The following CACNA2D4 variants were observed in gnomAD, a reference collection of about 807,000 sequenced individuals.
The protein encoded by CACNA2D4 is calcium voltage-gated channel auxiliary subunit alpha2delta 4.
In CACNA2D4, 157 loss-of-function variants were observed where a neutral mutation model predicts 163.8. The ratio of observed to expected loss-of-function variants is 0.96; its 90% CI spans 0.84 to 1.09. The LOEUF is 1.09. CACNA2D4 is among the 50% of genes least tolerant of loss of function. CACNA2D4 has a pLI of 0.00. For missense variants in CACNA2D4, 1,410 were observed against 1,479.9 expected (o/e 0.95, Z 0.78); for synonymous variants, 598 against 586.9 (o/e 1.02, Z -0.27).
intron 6 of CACNA2D4, among the ~76,000 whole-genome samples, chr12:1,893,431 T>C (rs535456015): frequency 1.3e-4 from 20 of 152,092 alleles, no homozygotes; most frequent in Middle Eastern, 3.4e-3. Flanking sequence ...AGGCAGAGAA[T>C]TGCTTAAACC....
At chr12:1,832,683 C>A (rs1864685537) in intron 26 of CACNA2D4, among the ~76,000 whole-genome samples, 6 of 152,204 alleles carry the variant, frequency 3.9e-5, no homozygotes. Flanking sequence ...TCACTATGAT[C>A]ATTTCCCCCA....
chr12:1,795,323 G>A lies in CACNA2D4; in HGVS notation c.3285C>T (p.Asp1095=), dbSNP rs1452918744. The change falls in exon 37 of 38, where the codon GAC becomes GAT. Residue 1095 remains aspartate, a synonymous_variant. Transcript: ENST00000382722. ...MRSQKLRRRP[D]SCHAFHPEEN... ...CCTCTGGATGGAAGGCGTGGCAGGA[G>A]TCTGGTCGCCGGCGGAGCTTCTGGG... 2 of 1,612,968 alleles carry A rather than the reference G, an allele frequency of 1.2e-6. No homozygotes were observed. The highest frequency in any genetic ancestry group is 1.3e-5 in the African/African-American group (1 of 74,928).
Position 1,834,154 on chromosome 12 carries a change from A to G in CACNA2D4, c.2551+6585T>C, listed in dbSNP as rs1340949971. On this transcript the variant is annotated intron_variant, in intron 26 of 37. Coordinates refer to ENST00000382722, the MANE Select transcript of CACNA2D4 (RefSeq NM_172364.5). The surrounding 1 kb of genome is among the most constrained non-coding windows in gnomAD (Gnocchi z 7.6). ...AGATGGTGATTCCAGGATTGACTAC[A>G]TTGCTGATAAAAACTACCTTCTGGG... 5.7e-6 allele frequency: 7 copies of G among 1,228,038 alleles called. No individual in the cohort carries two copies. Among genetic ancestry groups the G allele is most frequent in the Non-Finnish European group, 7.7e-6 (7 of 906,208 alleles). The allele number at this position is 1,228,038 out of a possible 1,614,324, so 76.1% of individuals were successfully genotyped here.
chr12:1,856,933 G>A (rs1865413968), intron 20 of CACNA2D4, among the ~76,000 whole-genome samples: 1 of 152,220 alleles, frequency 6.6e-6, no homozygotes, highest in Admixed American at 6.5e-5. Flanking sequence ...TGTAGACACA[G>A]GGCAAGCAGC....
Position 1,802,060 on chromosome 12 carries a change from T to TGTGTGTGTGTG in CACNA2D4, c.2722-417_2722-416insCACACACACAC, listed in dbSNP as rs778301476. ...GTGTGTGTGTGTGTGTGTGTGTGTGTTGGGTCAGATATAAAACACGTTTCT... is the reference window on the plus strand; with the variant it reads ...GTGTGTGTGTGTGTGTGTGTGTGTGTGTGTGTGTGTGTGGGTCAGATATAAAACACGTTTCT... On this transcript the variant is annotated intron_variant, in intron 29 of 37. Transcript: ENST00000382722. The surrounding 1 kb of genome is among the most constrained non-coding windows in gnomAD (Gnocchi z 4.7). 7.4e-6 allele frequency among the ~76,000 whole-genome samples: 1 copy of TGTGTGTGTGTG among 134,920 alleles called. No homozygotes were observed. Among genetic ancestry groups the TGTGTGTGTGTG allele is most frequent in the East Asian group, 2.1e-4 (1 of 4,674 alleles). The allele number at this position is 134,920 out of a possible 152,430, so 88.5% of individuals were successfully genotyped here.
At chr12:1,818,915 A>T (rs1592670909) in intron 26 of CACNA2D4, among the ~76,000 whole-genome samples, 1 of 149,810 alleles carries the variant, frequency 6.7e-6, no homozygotes, top group African/African-American at 2.5e-5. Context: ...TTATCTGCTG[A>T]CCTTCCCTCC....
intron 26 of CACNA2D4, among the ~76,000 whole-genome samples, chr12:1,823,754 G>C (rs369015239): frequency 1.2e-4 from 18 of 152,336 alleles, no homozygotes; most frequent in African/African-American, 4.1e-4. Context: ...AAGTCACAAA[G>C]CCTGTTCCTT....
chr12:1,909,354 G>T (rs192638096), intron 4 of CACNA2D4, among the ~76,000 whole-genome samples: 1 of 152,178 alleles, frequency 6.6e-6, no homozygotes, highest in East Asian at 1.9e-4. Context: ...ACTACGCCCG[G>T]CTAAATTTTT....
intron 35 of CACNA2D4, among the ~76,000 whole-genome samples, chr12:1,796,542 T>C (rs1863133073): frequency 6.6e-6 from 1 of 152,242 alleles, no homozygotes; most frequent in South Asian, 2.1e-4. Context: ...CGGAGCCCGC[T>C]GGCTCTATCC....
chr12:1,813,574 G>A lies in CACNA2D4; in HGVS notation c.2552-1851C>T, dbSNP rs146495602. On this transcript the variant is annotated intron_variant, in intron 26 of 37. Transcript: ENST00000382722. Reference sequence around the variant, plus strand: ...TAGCCACGTATGGTTGGTGGCCAGCGTTTTGGACAGTGTTGTTCTAGAGCT... The same window carrying A: ...TAGCCACGTATGGTTGGTGGCCAGCATTTTGGACAGTGTTGTTCTAGAGCT... Among the ~76,000 whole-genome samples the A allele has an allele frequency of 1.1e-4, 16 of 152,282 alleles. No individual in the cohort carries two copies. In the East Asian group the frequency reaches 2.5e-3, roughly 24 times the overall value.
chr12:1,898,201 C>T (rs927464916), intron 6 of CACNA2D4, among the ~76,000 whole-genome samples: 16 of 152,010 alleles, frequency 1.1e-4, no homozygotes, highest in Non-Finnish European at 5.9e-5. Flanking sequence ...ACCAAAACTA[C>T]AGGCAACAAA....
In CACNA2D4 at chr12:1,874,693, A is replaced by G. The variant is rs1010062094; in HGVS notation, c.1807-18T>C. ...GTTCTCAGCTTCAGGAGGAAAGACA[A>G]TGGCATTAGTTCCTTGGCTCACAGG... On this transcript the variant is annotated intron_variant, in intron 17 of 37. Transcript: ENST00000382722. The surrounding 1 kb of genome is among the most constrained non-coding windows in gnomAD (Gnocchi z 4.4). 2.5e-6 allele frequency: 4 copies of G among 1,581,014 alleles called. No individual in the cohort carries two copies. The African/African-American group carries it at 4.0e-5, about 16-fold the overall frequency.
chr12:1,828,136 C>G lies in CACNA2D4; in HGVS notation c.2551+12603G>C. On this transcript the variant is annotated intron_variant, in intron 26 of 37. Coordinates refer to ENST00000382722, the MANE Select transcript of CACNA2D4 (RefSeq NM_172364.5). The surrounding 1 kb of genome is among the most constrained non-coding windows in gnomAD (Gnocchi z 4.2). ...CCCAGAGCGACAGGGCCCGGAGAGC[C>G]GTGGGCCTCACCATGCTGGCGCCGG... is the stretch of plus-strand genomic sequence containing the variant. The G allele has an allele frequency of 6.5e-7, 1 of 1,534,376 alleles. No homozygotes were observed. The highest frequency in any genetic ancestry group is 8.8e-7 in the Non-Finnish European group (1 of 1,139,206).
chr12:1,909,142 C>G (rs1015711071), intron 4 of CACNA2D4, among the ~76,000 whole-genome samples: 3 of 152,218 alleles, frequency 2.0e-5, no homozygotes, highest in African/African-American at 2.4e-5. Flanking sequence ...CACACAGGGC[C>G]CAGGTCCCAC....
At chr12:1,870,949 C>T (rs1272442895) in intron 18 of CACNA2D4, among the ~76,000 whole-genome samples, 3 of 152,206 alleles carry the variant, frequency 2.0e-5, no homozygotes, top group Non-Finnish European at 4.4e-5. Context: ...AGTACTCTAG[C>T]CCTGTGTTCC....
chr12:1,866,529 CT>C (rs1222240838), intron 18 of CACNA2D4, among the ~76,000 whole-genome samples: 3 of 152,204 alleles, frequency 2.0e-5, no homozygotes, highest in African/African-American at 7.2e-5. Flanking sequence ...GTTGATGTCA[CT>C]TTATTTCAGC....
chr12:1,839,914 G>T (rs1346072388), intron 26 of CACNA2D4, among the ~76,000 whole-genome samples: 1 of 152,190 alleles, frequency 6.6e-6, no homozygotes, highest in South Asian at 2.1e-4. Flanking sequence ...CCGCTAGTTG[G>T]GTTGCTTTGA....
At position 1,858,783 on chromosome 12, in the gene CACNA2D4, T is replaced by C. The variant is rs113228948; in HGVS notation, c.1941-139A>G. 356 of 514,528 alleles carry C rather than the reference T, an allele frequency of 6.9e-4. 3 individuals carry two copies. Among genetic ancestry groups the C allele is most frequent in the African/African-American group, 6.5e-3 (331 of 51,224 alleles). The allele number at this position is 514,528 out of a possible 1,614,324, so 31.9% of individuals were successfully genotyped here. ...CGAGTGGTGTGCTCCTCATGCCCCCTTCTTTACCTCTGGCCTCACAGCCAT... is the reference window on the plus strand; with the variant it reads ...CGAGTGGTGTGCTCCTCATGCCCCCCTCTTTACCTCTGGCCTCACAGCCAT... On this transcript the variant is annotated intron_variant, in intron 19 of 37. Coordinates refer to ENST00000382722, the MANE Select transcript of CACNA2D4 (RefSeq NM_172364.5).
intron 18 of CACNA2D4, among the ~76,000 whole-genome samples, chr12:1,868,321 C>A (rs577058615): frequency 3.6e-4 from 54 of 152,100 alleles, no homozygotes; most frequent in African/African-American, 1.3e-3. Context: ...ATGGATGAAC[C>A]TAGAGGACAT....
Sources: gnomAD v4.1 joint callset for allele counts (sites outside exome capture counted in the v4.1 genomes callset) on GRCh38, gnomAD v4.1.1 for gene constraint, Gnocchi (gnomAD v3.1) non-coding constraint, MANE v1.5 for transcripts, NCBI Gene and HGNC (gene_info 2026-07-23, HGNC 2026-07-21) for gene names.